Variants in SAFB2 observed in about 807,000 individuals in gnomAD.
The protein encoded by SAFB2 is scaffold attachment factor B2.
In SAFB2, 32 loss-of-function variants were observed where a neutral mutation model predicts 100.6. The ratio of observed to expected loss-of-function variants is 0.32; its 90% CI spans 0.24 to 0.43. SAFB2 has a LOEUF of 0.43. Among genes scored for constraint, SAFB2 ranks in the 20% least tolerant of loss-of-function variants. The pLI is 1.00. For missense variants in SAFB2, 1,185 were observed against 1,163.4 expected (o/e 1.02, Z -0.27); for synonymous variants, 500 against 439.4 (o/e 1.14, Z -1.72).
chr19:5,614,581 G>A (rs570889546), intron 4 of SAFB2, among the ~76,000 whole-genome samples: 3 of 152,316 alleles, frequency 2.0e-5, no homozygotes, highest in East Asian at 1.9e-4. Flanking sequence ...ACTTTTGACC[G>A]TAAGGTTTAA....
intron 2 of SAFB2, among the ~76,000 whole-genome samples, chr19:5,617,535 T>C (rs2053058075): frequency 6.6e-6 from 1 of 152,188 alleles, no homozygotes; most frequent in South Asian, 2.1e-4. Context: ...TCTGTCCTAT[T>C]ATACCTGTTA....
intron 18 of SAFB2, 54 bp downstream of exon 18, chr19:5,590,224 C>A (rs2052361826): frequency 1.4e-6 from 2 of 1,416,802 alleles, no homozygotes; most frequent in Admixed American, 2.8e-5. Flanking sequence ...AGGCACCAAC[C>A]TTTTCCCAGG....
At chr19:5,613,324 T>C in intron 5 of SAFB2, 141 bp downstream of exon 5, 1 of 735,188 alleles carries the variant, frequency 1.4e-6, no homozygotes, top group Middle Eastern at 2.4e-4. Context: ...CCTGAGACTG[T>C]TTCTCTTCTG....
chr19:5,613,429 A>G, intron 5 of SAFB2, 36 bp downstream of exon 5: 1 of 1,569,716 alleles, frequency 6.4e-7, no homozygotes, highest in Non-Finnish European at 8.8e-7. Context: ...CACTCGATTA[A>G]CATTTCCAGC....
In SAFB2 at chr19:5,590,422, G is replaced by A. The variant is rs199516028; in HGVS notation, c.2395-14C>T. The A allele has an allele frequency of 3.7e-6, 6 of 1,601,046 alleles. No homozygotes were observed. In the African/African-American group the frequency reaches 6.7e-5, roughly 18 times the overall value. On this transcript the variant is annotated splice_polypyrimidine_tract_variant and intron_variant, in intron 17 of 20. Transcript: ENST00000252542. ...ATCTCCATAGTGCTGGAAGGCAGGA[G>A]AGGAACAGGGTGACACTGACCATGT...
At chr19:5,610,334 T>A in intron 8 of SAFB2, 1 of 591,302 alleles carries the variant, frequency 1.7e-6, no homozygotes, top group East Asian at 2.8e-5. Flanking sequence ...GAAATGTCTT[T>A]TGATGATCAG....
At chr19:5,597,395 T>G (rs895749907) in intron 13 of SAFB2, among the ~76,000 whole-genome samples, 1 of 152,138 alleles carries the variant, frequency 6.6e-6, no homozygotes, top group Non-Finnish European at 1.5e-5. Flanking sequence ...CCCTTTATTT[T>G]TTTTAATAGG....
rs768895113 is a variant in SAFB2 at position 5,600,158 on chromosome 19, A to C, written c.1662T>G (p.Pro554=). ...ATTTGGTGACTCTAGACCGATTTGT[A>C]GGTCCGGGTTTCAGCTCATCCTGGT... ...EKDQDELKPG[P]TNRSRVTKSG... is the part of the protein sequence containing the mutation. Residue 554 remains proline, a synonymous_variant, in exon 12 of 21, where the codon CCT becomes CCG. Transcript: ENST00000252542. The C allele has an allele frequency of 9.3e-6, 15 of 1,613,964 alleles. No homozygotes were observed. The highest frequency in any genetic ancestry group is 1.3e-5 in the Non-Finnish European group (15 of 1,180,016).
intron 5 of SAFB2, among the ~76,000 whole-genome samples, chr19:5,612,848 C>T (rs897606454): frequency 1.3e-5 from 2 of 152,212 alleles, no homozygotes; most frequent in African/African-American, 4.8e-5. Flanking sequence ...CCAAGCTGAC[C>T]TAGTGGCTGC....
chr19:5,603,025 T>C (rs1177640989), intron 11 of SAFB2, among the ~76,000 whole-genome samples: 1 of 150,924 alleles, frequency 6.6e-6, no homozygotes, highest in Non-Finnish European at 1.5e-5. Context: ...ATCCCAGTCT[T>C]TTGTGGGGCC....
rs2052484711 is a variant in SAFB2, at chr19:5,594,149, C to T, written c.1949G>A (p.Arg650His). Residue 650 changes from arginine (R) to histidine (H), a missense_variant, in exon 15 of 21, where the codon CGC (arginine) becomes CAC (histidine). Physicochemically the swap from Arg to His is conservative, Grantham distance 29. Coordinates refer to ENST00000252542, the MANE Select transcript of SAFB2 (RefSeq NM_014649.3). ...REREQREREQ[R>H]LEAFHERKEK... is the part of the protein sequence containing the mutation. Reference sequence around the variant, plus strand: ...CTTCCGCTCATGGAAGGCCTCGAGGCGTTGCTCCCGCTCCCGCTGCTCGCG... The same window carrying T: ...CTTCCGCTCATGGAAGGCCTCGAGGTGTTGCTCCCGCTCCCGCTGCTCGCG... The T allele has an allele frequency of 1.9e-6, 3 of 1,599,560 alleles. No homozygotes were observed. Among genetic ancestry groups the T allele is most frequent in the Non-Finnish European group, 2.5e-6 (3 of 1,178,182 alleles).
intron 11 of SAFB2, among the ~76,000 whole-genome samples, chr19:5,602,076 G>T (rs1176353369): frequency 6.6e-6 from 1 of 152,170 alleles, no homozygotes; most frequent in African/African-American, 2.4e-5. Context: ...CCTTCAAATG[G>T]AAGGGAAGGC....
At chr19:5,595,175 A>G (rs906764097) in intron 14 of SAFB2, among the ~76,000 whole-genome samples, 186 bp downstream of exon 14, 19 of 152,144 alleles carry the variant, frequency 1.2e-4, no homozygotes, top group African/African-American at 4.1e-4. Flanking sequence ...GCCACCTGGC[A>G]TGTCTGGCGG....
At chr19:5,605,762 T>C (rs564161595) in intron 9 of SAFB2, among the ~76,000 whole-genome samples, 1 of 152,320 alleles carries the variant, frequency 6.6e-6, no homozygotes, top group Admixed American at 6.5e-5. Flanking sequence ...TTTCAGATCC[T>C]GGACATCAGG....
intron 2 of SAFB2, 106 bp downstream of exon 2, chr19:5,621,203 G>A: frequency 2.6e-6 from 2 of 766,812 alleles, no homozygotes; most frequent in Admixed American, 1.8e-5. Flanking sequence ...GAGGGACACC[G>A]AGTACCAGAG....
intron 9 of SAFB2, among the ~76,000 whole-genome samples, chr19:5,605,276 T>C (rs1035335706): frequency 6.6e-6 from 1 of 152,132 alleles, no homozygotes; most frequent in African/African-American, 2.4e-5. Flanking sequence ...GGCTAATTTT[T>C]GTGTTTTTAG....
chr19:5,590,258 G>A lies in SAFB2; in HGVS notation c.2525+20C>T. The A allele has an allele frequency of 6.5e-7, 1 of 1,534,658 alleles. No individual in the cohort carries two copies. Among genetic ancestry groups the A allele is most frequent in the Non-Finnish European group, 8.8e-7 (1 of 1,136,732 alleles). On this transcript the variant is annotated intron_variant, in intron 18 of 20. Coordinates refer to ENST00000252542, the MANE Select transcript of SAFB2 (RefSeq NM_014649.3). ...GGTTAGGACAGATGCTCCCCACCCG[G>A]CTGGGGCTCACCCACTAACCTGGGG...
chr19:5,613,343 T>C, intron 5 of SAFB2, 122 bp downstream of exon 5: 1 of 894,926 alleles, frequency 1.1e-6, no homozygotes, highest in African/African-American at 1.7e-5. Context: ...TGCTAACCTC[T>C]TAACCCCAGC....
intron 18 of SAFB2, among the ~76,000 whole-genome samples, 190 bp downstream of exon 18, chr19:5,590,088 A>G (rs568059213): frequency 6.6e-6 from 1 of 152,236 alleles, no homozygotes; most frequent in South Asian, 2.1e-4. Context: ...CATCCCTGAA[A>G]GCCTGTTCTA....
Sources: gnomAD v4.1 joint callset for allele counts (sites outside exome capture counted in the v4.1 genomes callset) on GRCh38, gnomAD v4.1.1 for gene constraint, MANE v1.5 for transcripts, NCBI Gene and HGNC (gene_info 2026-07-23, HGNC 2026-07-21) for gene names.